Variants in PLA2G5 observed in about 807,000 individuals in gnomAD.
PLA2G5 encodes the protein Ca2+-dependent phospholipase A2.
Under a neutral mutation model 15.9 loss-of-function variants are expected in PLA2G5, and 12 were observed. The observed-to-expected ratio is 0.76, with a 90% CI of 0.48 to 1.23. The LOEUF is 1.23. Ranked by LOEUF, PLA2G5 falls within the 50% of genes most tolerant of loss-of-function variation. The pLI, the probability that PLA2G5 is intolerant of heterozygous loss-of-function variation, is 0.00. For synonymous variants in PLA2G5, 71 were observed against 71.4 expected (o/e 0.99, Z 0.03); for missense variants, 169 against 177.1 (o/e 0.95, Z 0.26).
chr1:20,064,139 T>G (rs1242925613), intron 2 of PLA2G5, among the ~76,000 whole-genome samples: 3 of 152,162 alleles, frequency 2.0e-5, no homozygotes, highest in Non-Finnish European at 4.4e-5. Flanking sequence ...GAGCAGGGAA[T>G]CCCAATGCCT....
At chr1:20,066,865 C>T (rs937209440), upstream of PLA2G5, among the ~76,000 whole-genome samples, 7 of 152,124 alleles carry the variant, frequency 4.6e-5, no homozygotes, top group African/African-American at 1.7e-4. Context: ...AATTAGTCAG[C>T]TGTGGTGACA....
chr1:20,068,779 A>T, upstream of PLA2G5: 1 of 366,426 alleles, frequency 2.7e-6, no homozygotes, highest in Non-Finnish European at 4.9e-6. Context: ...AAAATGCCAT[A>T]AATAAAAGAC....
chr1:20,086,256 G>A lies in PLA2G5; in HGVS notation c.185+29G>A, dbSNP rs775345469. ...AGCTGATCGCTATAACTGCCCTTTA[G>A]GCTCCAGGCTCTGCACCCATGTTTT... On this transcript the variant is annotated intron_variant, in intron 3 of 4. Transcript: ENST00000375108. 33 of 1,610,714 alleles carry A rather than the reference G, an allele frequency of 2.0e-5. No homozygotes were observed. In the African/African-American group the frequency reaches 3.7e-4, roughly 18 times the overall value.
chr1:20,069,825 G>C (rs190637489), upstream of PLA2G5, among the ~76,000 whole-genome samples: 2 of 152,102 alleles, frequency 1.3e-5, no homozygotes, highest in East Asian at 3.9e-4. Context: ...CCAACAAATT[G>C]GATATAAAAA....
intron 1 of PLA2G5, among the ~76,000 whole-genome samples, chr1:20,040,909 C>A (rs1360443896): frequency 5.9e-5 from 9 of 152,152 alleles, no homozygotes; most frequent in Non-Finnish European, 1.3e-4. Context: ...AGCCCCCTAC[C>A]CGCTTCAAGT....
intron 2 of PLA2G5, among the ~76,000 whole-genome samples, chr1:20,061,042 G>C (rs777669244): frequency 1.3e-5 from 2 of 152,168 alleles, no homozygotes; most frequent in Non-Finnish European, 1.5e-5. Flanking sequence ...GTTGCAGCAG[G>C]AAACTGGACT....
At chr1:20,085,126 G>A (rs940132293) in intron 2 of PLA2G5, among the ~76,000 whole-genome samples, 3 of 152,172 alleles carry the variant, frequency 2.0e-5, no homozygotes, top group Admixed American at 6.5e-5. Context: ...TAAAGGTTGT[G>A]GACATAGAGG....
At chr1:20,082,703 C>T (rs1366020795) in intron 1 of PLA2G5, among the ~76,000 whole-genome samples, 1 of 151,920 alleles carries the variant, frequency 6.6e-6, no homozygotes, top group Non-Finnish European at 1.5e-5. Flanking sequence ...AAGGCATGCT[C>T]ACAGAGGAGC....
At chr1:20,074,239 C>A (rs1043711144) in intron 1 of PLA2G5, among the ~76,000 whole-genome samples, 1 of 152,142 alleles carries the variant, frequency 6.6e-6, no homozygotes, top group Non-Finnish European at 1.5e-5. Flanking sequence ...AATGTCAGAG[C>A]CTGCGGGCAT....
upstream of PLA2G5, chr1:20,068,903 T>TCCC: frequency 7.8e-7 from 1 of 1,283,116 alleles, no homozygotes; most frequent in Non-Finnish European, 1.0e-6. Context: ...GGGAACACAC[T>TCCC]CCCCCCTACG....
intron 1 of PLA2G5, among the ~76,000 whole-genome samples, chr1:20,071,299 T>C (rs2015361492): frequency 6.6e-6 from 1 of 152,188 alleles, no homozygotes; most frequent in Admixed American, 6.5e-5. Context: ...CAAACATTTT[T>C]TCCTAGGATC....
intron 1 of PLA2G5, among the ~76,000 whole-genome samples, chr1:20,035,059 A>G (rs2013172939): frequency 6.6e-6 from 1 of 152,074 alleles, no homozygotes; most frequent in South Asian, 2.1e-4. Flanking sequence ...GTAAGAGAAG[A>G]CTTACCCATT....
intron 2 of PLA2G5, among the ~76,000 whole-genome samples, chr1:20,063,989 G>T (rs577109569): frequency 1.3e-5 from 2 of 152,166 alleles, no homozygotes; most frequent in Non-Finnish European, 2.9e-5. Context: ...GACCTTGATC[G>T]CCTCTAGAAT....
chr1:20,046,171 T>G (rs1352798458), intron 1 of PLA2G5: 1 of 152,198 alleles, frequency 6.6e-6, no homozygotes, highest in African/African-American at 2.4e-5. Context: ...TTTTGTCTTA[T>G]CTAAAGTCTA....
intron 1 of PLA2G5, among the ~76,000 whole-genome samples, chr1:20,075,868 CTT>C (rs534879331): frequency 0.27 from 33,260 of 120,954 alleles, 3,966 homozygotes; most frequent in Middle Eastern, 0.38. Flanking sequence ...ATTTCTTTCT[CTT>C]TTTTTTTTTT....
intron 1 of PLA2G5, among the ~76,000 whole-genome samples, chr1:20,029,850 A>C (rs769070944): frequency 6.6e-6 from 1 of 152,230 alleles, no homozygotes; most frequent in Admixed American, 6.5e-5. Context: ...ACCAGTGTGT[A>C]TGTTCCTGAC....
chr1:20,054,728 T>A (rs2014350164), intron 1 of PLA2G5: 1 of 152,188 alleles, frequency 6.6e-6, no homozygotes, highest in Non-Finnish European at 1.5e-5. Flanking sequence ...TTTTCTGCTG[T>A]TTCACAATTA....
intron 1 of PLA2G5, among the ~76,000 whole-genome samples, chr1:20,043,881 G>C (rs1228343023): frequency 1.3e-5 from 2 of 152,190 alleles, no homozygotes; most frequent in African/African-American, 2.4e-5. Context: ...TCCACTGTGA[G>C]AGTTACCTGA....
intron 1 of PLA2G5, among the ~76,000 whole-genome samples, chr1:20,077,254 C>T (rs1468175395): frequency 6.6e-6 from 1 of 152,170 alleles, no homozygotes; most frequent in Non-Finnish European, 1.5e-5. Context: ...TGATTGGATC[C>T]ATTGCCAAGA....
Sources: gnomAD v4.1 joint callset for allele counts (sites outside exome capture counted in the v4.1 genomes callset) on GRCh38, gnomAD v4.1.1 for gene constraint, MANE v1.5 for transcripts, NCBI Gene and HGNC (gene_info 2026-07-23, HGNC 2026-07-21) for gene names.